PRKG1: variants seen among roughly 807,000 people sequenced by gnomAD.
PRKG1 encodes the protein cGMP-dependent protein kinase 1.
Under a neutral mutation model 88.1 loss-of-function variants are expected in PRKG1, and 35 were observed. The ratio of observed to expected loss-of-function variants is 0.40; its 90% CI spans 0.30 to 0.53. The LOEUF (loss-of-function observed/expected upper bound fraction) is 0.53, where lower values mean the gene tolerates loss of function less well. Ranked by LOEUF, PRKG1 falls within the 20% of genes least tolerant of loss-of-function variation. The probability of loss-of-function intolerance (pLI) is 0.59; values close to 1 mark genes in which losing one functional copy is unlikely to be tolerated. For synonymous variants in PRKG1, 303 were observed against 292.5 expected, an observed-to-expected ratio of 1.04 and a Z score of -0.37; for missense variants, 540 against 839.8, an observed-to-expected ratio of 0.64 and a Z score of 4.41.
chr10:51,381,264 A>G (rs1242778758), intron 2 of PRKG1, among the ~76,000 whole-genome samples: 1 of 31,742 alleles, frequency 3.2e-5, no homozygotes. Context: ...CTTAAAAAAA[A>G]AAAAAAAAAA....
chr10:52,008,653 G>T (rs1377994061), intron 5 of PRKG1, among the ~76,000 whole-genome samples: 2 of 152,032 alleles, frequency 1.3e-5, no homozygotes, highest in African/African-American at 4.8e-5. Flanking sequence ...ACCAAGAAAA[G>T]TCCAGTTGGA....
intron 2 of PRKG1, among the ~76,000 whole-genome samples, chr10:51,436,897 C>T (rs538054403): frequency 2.5e-4 from 38 of 152,032 alleles, no homozygotes; most frequent in East Asian, 5.8e-4. Flanking sequence ...ATGAACTGTC[C>T]GCAGTAGCTA....
chr10:52,224,830 T>G (rs867235025), intron 9 of PRKG1, among the ~76,000 whole-genome samples: 1 of 126,566 alleles, frequency 7.9e-6, no homozygotes, highest in Non-Finnish European at 1.6e-5. Context: ...TATATATATA[T>G]ATATATATAC....
intron 3 of PRKG1, among the ~76,000 whole-genome samples, chr10:51,731,458 A>T (rs1842269532): frequency 6.6e-6 from 1 of 152,202 alleles, no homozygotes; most frequent in Non-Finnish European, 1.5e-5. Flanking sequence ...GGCCATTTTT[A>T]GAAATGTTTT....
intron 1 of PRKG1, among the ~76,000 whole-genome samples, chr10:51,042,627 G>C (rs933193784): frequency 4.6e-5 from 7 of 152,106 alleles, no homozygotes; most frequent in African/African-American, 7.2e-5. Context: ...TGTCACCCGC[G>C]GAACAGAGAA....
At chr10:51,784,924 A>G (rs1838689840) in intron 3 of PRKG1, among the ~76,000 whole-genome samples, 1 of 152,076 alleles carries the variant, frequency 6.6e-6, no homozygotes, top group Non-Finnish European at 1.5e-5. Flanking sequence ...CTAATTTGTG[A>G]CAGGTGAGCA....
chr10:51,013,917 G>A (rs1471310240), intron 1 of PRKG1, among the ~76,000 whole-genome samples: 3 of 151,996 alleles, frequency 2.0e-5, no homozygotes, highest in African/African-American at 4.8e-5. Flanking sequence ...CGTCTTAATC[G>A]ATGGCTGTAA....
chr10:51,242,738 T>C (rs1323690735), intron 2 of PRKG1, among the ~76,000 whole-genome samples: 1 of 152,180 alleles, frequency 6.6e-6, no homozygotes, highest in Non-Finnish European at 1.5e-5. Context: ...GAGGTTGATA[T>C]AATTTTTGAA....
At chr10:51,446,984 C>A (rs1273847074) in intron 2 of PRKG1, among the ~76,000 whole-genome samples, 1 of 152,022 alleles carries the variant, frequency 6.6e-6, no homozygotes, top group East Asian at 1.9e-4. Context: ...TACACATCTG[C>A]AAGCCTCTTT....
intron 3 of PRKG1, among the ~76,000 whole-genome samples, chr10:51,648,883 TTG>T (rs1256877219): frequency 6.6e-6 from 1 of 152,152 alleles, no homozygotes; most frequent in Non-Finnish European, 1.5e-5. Context: ...TTCATCATGT[TTG>T]CAGTAAATTA....
chr10:51,802,313 T>C (rs749274482), intron 3 of PRKG1, among the ~76,000 whole-genome samples: 3 of 152,186 alleles, frequency 2.0e-5, no homozygotes, highest in Non-Finnish European at 4.4e-5. Flanking sequence ...ATTTGCAATC[T>C]CATCAAGCTA....
intron 1 of PRKG1, among the ~76,000 whole-genome samples, chr10:51,029,487 T>C (rs1274514901): frequency 6.6e-6 from 1 of 152,132 alleles, no homozygotes; most frequent in African/African-American, 2.4e-5. Flanking sequence ...TTACCATATT[T>C]CTCATGCCGG....
At chr10:51,381,256 T>TAAAAAAAAAAAAAAAAAAAAAAAA (rs71029366) in intron 2 of PRKG1, among the ~76,000 whole-genome samples, 20 of 32,060 alleles carry the variant, frequency 6.2e-4, no homozygotes, top group Non-Finnish European at 9.0e-4. Context: ...GCCTCCATCT[T>TAAAAAAAAAAAAAAAAAAAAAAAA]AAAAAAAAAA....
At chr10:51,892,781 C>T (rs1460451362) in intron 4 of PRKG1, among the ~76,000 whole-genome samples, 2 of 152,092 alleles carry the variant, frequency 1.3e-5, no homozygotes, top group Non-Finnish European at 2.9e-5. Context: ...GTCCCAAATG[C>T]CAATAGAGCC....
intron 1 of PRKG1, among the ~76,000 whole-genome samples, chr10:51,054,645 T>A (rs570693657): frequency 6.6e-6 from 1 of 152,308 alleles, no homozygotes; most frequent in South Asian, 2.1e-4. Flanking sequence ...GATAGGCATA[T>A]CTAGGTGTGC....
intron 7 of PRKG1, among the ~76,000 whole-genome samples, chr10:52,121,414 G>A (rs778446796): frequency 5.3e-5 from 8 of 152,092 alleles, no homozygotes; most frequent in Non-Finnish European, 7.3e-5. Context: ...TTGTTTACAT[G>A]GCCAGTCTGA....
rs576633991 is a variant in PRKG1, at chr10:51,248,416, G to A, written c.478+95086G>A. Among the ~76,000 whole-genome samples, 10 of 151,784 alleles carry A rather than the reference G, an allele frequency of 6.6e-5. No individual in the cohort carries two copies. In the South Asian group the frequency reaches 1.2e-3, roughly 19 times the overall value. On this transcript the variant is annotated intron_variant, in intron 2 of 17. Coordinates refer to ENST00000373980, the MANE Select transcript of PRKG1 (RefSeq NM_006258.4). ...TTATTAATGTTTTATTAAAAAAATC[G>A]CTCTTTTAGACCTGCAATTCAAAAT...
At chr10:51,034,930 G>A (rs999367647) in intron 1 of PRKG1, among the ~76,000 whole-genome samples, 1 of 151,878 alleles carries the variant, frequency 6.6e-6, no homozygotes, top group South Asian at 2.1e-4. Flanking sequence ...TCAGGCCTGT[G>A]CTAAGGTGCT....
At chr10:51,055,228 C>T (rs1476994809) in intron 1 of PRKG1, among the ~76,000 whole-genome samples, 1 of 152,124 alleles carries the variant, frequency 6.6e-6, no homozygotes, top group Non-Finnish European at 1.5e-5. Flanking sequence ...GATTGGTTTG[C>T]TCGTCCTTGA....
Sources: gnomAD v4.1 joint callset for allele counts (sites outside exome capture counted in the v4.1 genomes callset) on GRCh38, gnomAD v4.1.1 for gene constraint, MANE v1.5 for transcripts, NCBI Gene and HGNC (gene_info 2026-07-23, HGNC 2026-07-21) for gene names.